ENOX1: variants seen among roughly 807,000 people sequenced by gnomAD.
ENOX1 encodes the protein candidate growth-related and time keeping constitutive hydroquinone (NADH) oxidase.
In ENOX1, 42 loss-of-function variants were observed where a neutral mutation model predicts 82.5. The ratio of observed to expected loss-of-function variants is 0.51; its 90% CI spans 0.40 to 0.66. The LOEUF (loss-of-function observed/expected upper bound fraction) is 0.66. ENOX1 is among the 30% of genes least tolerant of loss of function. The pLI is 0.00. For synonymous variants in ENOX1, 271 were observed against 282.2 expected (o/e 0.96, Z 0.40); for missense variants, 608 against 811.6 (o/e 0.75, Z 3.05).
intron 1 of ENOX1, among the ~76,000 whole-genome samples, chr13:43,782,439 A>G (rs570453806): frequency 6.6e-5 from 10 of 152,350 alleles, no homozygotes; most frequent in African/African-American, 1.4e-4. Flanking sequence ...AATATGCCAA[A>G]TTATTATTCT....
chr13:43,312,973 T>C (rs1034583984), intron 11 of ENOX1, among the ~76,000 whole-genome samples: 1 of 152,230 alleles, frequency 6.6e-6, no homozygotes, highest in Non-Finnish European at 1.5e-5. Context: ...TATGGCACCA[T>C]GTACACTGCA....
At chr13:43,375,392 T>C (rs1436086540) in intron 5 of ENOX1, among the ~76,000 whole-genome samples, 2 of 152,178 alleles carry the variant, frequency 1.3e-5, no homozygotes, top group East Asian at 1.9e-4. Context: ...TTGGAAAAAC[T>C]GAGAAGCAGA....
chr13:43,717,803 A>G (rs1301585602), intron 1 of ENOX1, among the ~76,000 whole-genome samples: 1 of 152,202 alleles, frequency 6.6e-6, no homozygotes, highest in Admixed American at 6.5e-5. Context: ...ATCACTAATC[A>G]TCAGAGAAAT....
rs182095415 is a variant in ENOX1, at chr13:43,691,467, A to G, written c.-284-23923T>C. Among the ~76,000 whole-genome samples, 341 of 152,054 alleles carry G rather than the reference A, an allele frequency of 2.2e-3. 1 individual carries two copies. The highest frequency in any genetic ancestry group is 7.4e-3 in the African/African-American group (306 of 41,476). The stretch of plus-strand genomic sequence containing the variant: ...TTGTATAAACCCTCACAACAATTAC[A>G]CCATCTGAGAATAAATCTACATTTA... On this transcript the variant is annotated intron_variant, in intron 1 of 16. Coordinates refer to ENST00000690772, the MANE Select transcript of ENOX1 (RefSeq NM_001347969.2).
chr13:43,637,991 A>G (rs9533563), intron 2 of ENOX1, among the ~76,000 whole-genome samples: 37,163 of 152,050 alleles, frequency 0.24, 5,035 homozygotes, highest in Non-Finnish European at 0.32. Context: ...AAAGGGTCCG[A>G]GAGCACCTCT....
At chr13:43,444,105 C>T (rs866839977) in intron 3 of ENOX1, among the ~76,000 whole-genome samples, 1 of 152,000 alleles carries the variant, frequency 6.6e-6, no homozygotes, top group Non-Finnish European at 1.5e-5. Context: ...TGAGTGGGGT[C>T]GGGGGAGCTA....
intron 3 of ENOX1, 38 bp from the exon 4 acceptor site, chr13:43,413,026 T>A (rs1486075211): frequency 2.7e-6 from 4 of 1,459,480 alleles, no homozygotes; most frequent in Non-Finnish European, 2.7e-6. Flanking sequence ...GAAACCTTAA[T>A]AGTTAACTGA....
At chr13:43,607,401 T>G (rs1007268287) in intron 2 of ENOX1, among the ~76,000 whole-genome samples, 1 of 152,206 alleles carries the variant, frequency 6.6e-6, no homozygotes, top group Non-Finnish European at 1.5e-5. Context: ...AGTAATTTAT[T>G]TGTAACCGCA....
At chr13:43,358,184 G>A (rs978135202) in intron 7 of ENOX1, among the ~76,000 whole-genome samples, 3 of 152,190 alleles carry the variant, frequency 2.0e-5, no homozygotes, top group Non-Finnish European at 4.4e-5. Context: ...AGTGTCTTAT[G>A]AGGCTTCTGA....
At chr13:43,345,791 T>G (rs1198673988) in intron 8 of ENOX1, among the ~76,000 whole-genome samples, 1 of 152,146 alleles carries the variant, frequency 6.6e-6, no homozygotes, top group Admixed American at 6.5e-5. Flanking sequence ...ACCCTACATT[T>G]TTACAAGTAA....
Position 43,561,139 on chromosome 13 carries a change from C to A in ENOX1, c.-218-76987G>T, listed in dbSNP as rs552468990. Among the ~76,000 whole-genome samples the A allele has an allele frequency of 2.6e-5, 4 of 152,214 alleles. No homozygotes were observed. In the South Asian group the frequency reaches 8.3e-4, roughly 32 times the overall value. On this transcript the variant is annotated intron_variant, in intron 2 of 16. Transcript: ENST00000690772. Reference sequence around the variant, plus strand: ...ATTCAGCAAATTCTCAATATTCCTGCTTCACAGTGATTACCCTAGATTTTA... The same window carrying A: ...ATTCAGCAAATTCTCAATATTCCTGATTCACAGTGATTACCCTAGATTTTA...
intron 1 of ENOX1, among the ~76,000 whole-genome samples, chr13:43,777,215 T>C (rs1222191816): frequency 1.3e-5 from 2 of 152,112 alleles, no homozygotes; most frequent in Non-Finnish European, 2.9e-5. Context: ...GAATCCACAT[T>C]GGAAGGGGTT....
At chr13:43,724,836 G>C (rs529813132) in intron 1 of ENOX1, among the ~76,000 whole-genome samples, 1 of 152,194 alleles carries the variant, frequency 6.6e-6, no homozygotes, top group South Asian at 2.1e-4. Flanking sequence ...CACACAGCTT[G>C]TATCTAAAGC....
At chr13:43,284,506 A>G (rs1241897994) in intron 12 of ENOX1, among the ~76,000 whole-genome samples, 3 of 152,220 alleles carry the variant, frequency 2.0e-5, no homozygotes, top group Non-Finnish European at 2.9e-5. Context: ...CCTGGTTTAA[A>G]ATAAATTAAG....
chr13:43,541,115 C>T (rs966422555), intron 2 of ENOX1, among the ~76,000 whole-genome samples: 1 of 149,854 alleles, frequency 6.7e-6, no homozygotes, highest in African/African-American at 2.5e-5. Flanking sequence ...ACAAATATCA[C>T]AAGCTTATGA....
chr13:43,249,072 A>G (rs1029496096), intron 14 of ENOX1, among the ~76,000 whole-genome samples: 1 of 152,064 alleles, frequency 6.6e-6, no homozygotes, highest in African/African-American at 2.4e-5. Flanking sequence ...AGTTCACACC[A>G]TGCTTAAATT....
chr13:43,601,731 G>A (rs1425805821), intron 2 of ENOX1, among the ~76,000 whole-genome samples: 1 of 152,122 alleles, frequency 6.6e-6, no homozygotes, highest in Admixed American at 6.5e-5. Context: ...ATGTAACCAA[G>A]ATAAGGTGAC....
intron 2 of ENOX1, among the ~76,000 whole-genome samples, chr13:43,566,295 A>G (rs183337597): frequency 6.6e-6 from 1 of 152,184 alleles, no homozygotes; most frequent in East Asian, 1.9e-4. Context: ...ATGCAGTCAT[A>G]TTGCTTTCTT....
chr13:43,277,312 G>A (rs1239961352), intron 12 of ENOX1, among the ~76,000 whole-genome samples: 1 of 152,202 alleles, frequency 6.6e-6, no homozygotes, highest in Non-Finnish European at 1.5e-5. Context: ...TTATAGCTGA[G>A]AGATGGTGGG....
Sources: gnomAD v4.1 joint callset for allele counts (sites outside exome capture counted in the v4.1 genomes callset) on GRCh38, gnomAD v4.1.1 for gene constraint, MANE v1.5 for transcripts, NCBI Gene and HGNC (gene_info 2026-07-23, HGNC 2026-07-21) for gene names.